Variants in GPC5 observed in about 807,000 individuals in gnomAD.
The protein encoded by GPC5 is glypican 5, also known as glypican-5.
Under a neutral mutation model 53.9 loss-of-function variants are expected in GPC5, and 47 were observed. The ratio of observed to expected loss-of-function variants is 0.87; its 90% confidence interval spans 0.69 to 1.11. The LOEUF (loss-of-function observed/expected upper bound fraction) is 1.11. Among genes scored for constraint, GPC5 ranks in the 50% most tolerant of loss-of-function variants. The pLI is 0.00. For synonymous variants in GPC5, 286 were observed against 263.3 expected, an observed-to-expected ratio of 1.09 and a Z score of -0.84; for missense variants, 748 against 713.1, an observed-to-expected ratio of 1.05 and a Z score of -0.56.
intron 2 of GPC5, among the ~76,000 whole-genome samples, chr13:91,498,846 C>T (rs1884455723): frequency 6.6e-6 from 1 of 151,988 alleles, no homozygotes; most frequent in African/African-American, 2.4e-5. Context: ...TGGTGCCTGC[C>T]TATGATCTTG....
intron 7 of GPC5, among the ~76,000 whole-genome samples, chr13:92,839,302 C>G (rs776875714): frequency 6.6e-6 from 1 of 152,148 alleles, no homozygotes. Context: ...TGTATTTTCT[C>G]TTGTTTTAAC....
At position 92,296,882 on chromosome 13, in the gene GPC5, G is replaced by A. The variant is rs569464036; in HGVS notation, c.1561+151893G>A. ...CTGGCGCTGTGCTCGATTTCTCGCC[G>A]GGCCTTAGCTGCCTTCCCGCAGGGC... is the stretch of plus-strand genomic sequence containing the variant. On this transcript the variant is annotated intron_variant, in intron 7 of 7. Transcript: ENST00000377067. Among the ~76,000 whole-genome samples the A allele has an allele frequency of 8.9e-4, 135 of 150,960 alleles. 1 individual carries two copies. Among genetic ancestry groups the A allele is most frequent in the Non-Finnish European group, 1.5e-3 (99 of 68,022 alleles).
In GPC5 at chr13:91,923,430, A is replaced by G. The variant is rs2039736163; in HGVS notation, c.1401+15373A>G. On this transcript the variant is annotated intron_variant, in intron 6 of 7. Transcript: ENST00000377067. ...CCTTGAAAGCAGGCTGACTTATGAG[A>G]GGAATATGCTTGTAGGGAATCAGTA... 2.6e-5 allele frequency among the ~76,000 whole-genome samples: 4 copies of G among 152,316 alleles called. No individual in the cohort carries two copies. In the South Asian group the frequency reaches 8.3e-4, roughly 32 times the overall value.
intron 7 of GPC5, among the ~76,000 whole-genome samples, chr13:92,859,676 T>TA (rs1879116873): frequency 6.6e-6 from 1 of 152,138 alleles, no homozygotes; most frequent in African/African-American, 2.4e-5. Context: ...TTTTAATACT[T>TA]AGTTTTAATT....
At chr13:91,921,369 A>G (rs529738363) in intron 6 of GPC5, among the ~76,000 whole-genome samples, 1 of 152,316 alleles carries the variant, frequency 6.6e-6, no homozygotes, top group South Asian at 2.1e-4. Context: ...TGTGAGAGGA[A>G]GTTTTCTAAG....
chr13:91,637,261 T>A (rs2034307731), intron 2 of GPC5, among the ~76,000 whole-genome samples: 1 of 152,294 alleles, frequency 6.6e-6, no homozygotes, highest in African/African-American at 2.4e-5. Context: ...ATTTAGGAGT[T>A]ATAAAGTTGT....
At chr13:91,578,169 T>C (rs1467760123) in intron 2 of GPC5, among the ~76,000 whole-genome samples, 1 of 152,152 alleles carries the variant, frequency 6.6e-6, no homozygotes, top group Non-Finnish European at 1.5e-5. Context: ...CCAACAGCCA[T>C]GCAAGTGAGC....
intron 3 of GPC5, among the ~76,000 whole-genome samples, chr13:91,700,504 G>A (rs1310207009): frequency 6.6e-6 from 1 of 152,168 alleles, no homozygotes; most frequent in Non-Finnish European, 1.5e-5. Context: ...AGGCCTCCTA[G>A]AAGAGTGGTC....
In GPC5 at chr13:92,470,820, C is replaced by A. The variant is rs1455197789; in HGVS notation, c.1561+325831C>A. ...TTAGGGCTCTTAGATATTAAAAGGG[C>A]TTTAGGGGACTTTGCTTGCCCCTCT... On this transcript the variant is annotated intron_variant, in intron 7 of 7. Transcript: ENST00000377067. Among the ~76,000 whole-genome samples the A allele has an allele frequency of 5.3e-5, 8 of 152,106 alleles. 1 individual carries two copies. Among genetic ancestry groups the A allele is most frequent in the Non-Finnish European group, 1.2e-4 (8 of 68,004 alleles).
rs116414107 is a variant in GPC5 at position 91,439,200 on chromosome 13, G to C, written c.164-9561G>C. ...AACCAGAGATGGTTATACCCAAGGG[G>C]GGGACATTTAGCAATGTCTAGAGAC... On this transcript the variant is annotated intron_variant, in intron 1 of 7. Coordinates refer to ENST00000377067, the MANE Select transcript of GPC5 (RefSeq NM_004466.6). 6.5e-3 allele frequency among the ~76,000 whole-genome samples: 997 copies of C among 152,306 alleles called. 8 individuals are homozygous for C. Among genetic ancestry groups the C allele is most frequent in the African/African-American group, 0.023 (942 of 41,562 alleles).
At chr13:92,800,389 C>A (rs1429603046) in intron 7 of GPC5, among the ~76,000 whole-genome samples, 1 of 151,790 alleles carries the variant, frequency 6.6e-6, no homozygotes, top group Non-Finnish European at 1.5e-5. Flanking sequence ...TCAAGTCAAA[C>A]CCTAACTACA....
intron 3 of GPC5, among the ~76,000 whole-genome samples, chr13:91,715,674 G>A (rs1566631962): frequency 6.7e-6 from 1 of 149,970 alleles, no homozygotes; most frequent in Non-Finnish European, 1.5e-5. Flanking sequence ...AGAAATATGT[G>A]GTATTTTAAT....
At chr13:91,756,590 CT>C (rs745886646) in intron 5 of GPC5, among the ~76,000 whole-genome samples, 170 bp downstream of exon 5, 3 of 152,032 alleles carry the variant, frequency 2.0e-5, no homozygotes, top group Non-Finnish European at 4.4e-5. Flanking sequence ...AAACCTGATC[CT>C]TTTAGGTATC....
chr13:91,689,184 A>AATATAT lies in GPC5; in HGVS notation c.326-3961_326-3956dup, dbSNP rs1169911890. On this transcript the variant is annotated intron_variant, in intron 2 of 7. Coordinates refer to ENST00000377067, the MANE Select transcript of GPC5 (RefSeq NM_004466.6). ...ATGTTGTCTCAAAAAATCATATATA[A>AATATAT]ATATATATATATATATATATATATA... Among the ~76,000 whole-genome samples, 177 of 49,578 alleles carry AATATAT rather than the reference A, an allele frequency of 3.6e-3. 5 individuals are homozygous for AATATAT. The highest frequency in any genetic ancestry group is 4.7e-3 in the East Asian group (5 of 1,072). 32.5% of individuals were successfully genotyped at this position (49,578 alleles called of 152,430 possible).
chr13:91,949,425 A>T (rs2040005863), intron 6 of GPC5, among the ~76,000 whole-genome samples: 1 of 152,212 alleles, frequency 6.6e-6, no homozygotes, highest in Non-Finnish European at 1.5e-5. Flanking sequence ...GAAAGCAACA[A>T]TTCTAAACTA....
chr13:92,676,416 C>G (rs1238139313), intron 7 of GPC5, among the ~76,000 whole-genome samples: 1 of 152,032 alleles, frequency 6.6e-6, no homozygotes, highest in East Asian at 1.9e-4. Context: ...ATTGCCATCA[C>G]AGTAAGATAT....
chr13:92,604,322 A>C (rs1884180333), intron 7 of GPC5, among the ~76,000 whole-genome samples: 1 of 152,130 alleles, frequency 6.6e-6, no homozygotes, highest in Admixed American at 6.6e-5. Context: ...TATCTATCTA[A>C]ATGTAGAAGT....
intron 7 of GPC5, among the ~76,000 whole-genome samples, chr13:92,731,322 A>G (rs533199988): frequency 6.6e-6 from 1 of 151,684 alleles, no homozygotes; most frequent in African/African-American, 2.4e-5. Context: ...TTTCTAAAAT[A>G]GAGTTATTTA....
rs542148348 is a variant in GPC5, at chr13:91,765,919, G to T, written c.1280+9499G>T. ...GAAGTTTTCTGAGTGAGTAATCATT[G>T]AAGCTGTTTGATGGGAACGGAGTGT... On this transcript the variant is annotated intron_variant, in intron 5 of 7. Transcript: ENST00000377067. 1.7e-3 allele frequency among the ~76,000 whole-genome samples: 266 copies of T among 152,288 alleles called. 2 individuals carry two copies. Among genetic ancestry groups the T allele is most frequent in the African/African-American group, 6.0e-3 (250 of 41,566 alleles).
Sources: gnomAD v4.1 joint callset for allele counts (sites outside exome capture counted in the v4.1 genomes callset) on GRCh38, gnomAD v4.1.1 for gene constraint, MANE v1.5 for transcripts, NCBI Gene and HGNC (gene_info 2026-07-23, HGNC 2026-07-21) for gene names.